Variants in UNC80 observed in about 807,000 individuals in gnomAD.
UNC80 encodes the protein unc-80 subunit of NALCN channel complex.
A neutral mutation model predicts 384.6 loss-of-function variants in UNC80; 164 were observed. That is an observed-to-expected ratio of 0.43 (90% CI 0.38 to 0.49). The LOEUF is 0.49. Among genes scored for constraint, UNC80 ranks in the 20% least tolerant of loss-of-function variants. UNC80 has a pLI of 0.00. For synonymous variants in UNC80, 1,486 were observed against 1,527.8 expected, an observed-to-expected ratio of 0.97 and a Z score of 0.64; for missense variants, 3,330 against 4,143.0, an observed-to-expected ratio of 0.80 and a Z score of 5.39.
intron 48 of UNC80, among the ~76,000 whole-genome samples, chr2:209,957,282 A>G (rs760748824): frequency 1.3e-5 from 2 of 152,144 alleles, no homozygotes; most frequent in Non-Finnish European, 2.9e-5. Context: ...TATTATCTAG[A>G]ATGGTGAACT....
At chr2:209,789,659 T>TG in intron 6 of UNC80, 54 bp downstream of exon 6, 2 of 1,304,348 alleles carry the variant, frequency 1.5e-6, no homozygotes, top group South Asian at 2.4e-5. Context: ...TTGGACATAG[T>TG]GTAGTGTGAA....
intron 36 of UNC80, among the ~76,000 whole-genome samples, chr2:209,928,989 C>T (rs1305053328): frequency 6.6e-6 from 1 of 152,142 alleles, no homozygotes; most frequent in Admixed American, 6.5e-5. Context: ...CAATATCAAC[C>T]TGAGAAAAAC....
At position 209,885,577 on chromosome 2, in the gene UNC80, C is replaced by A. The variant is rs180978083; in HGVS notation, c.4111-2518C>A. On this transcript the variant is annotated intron_variant, in intron 25 of 64. Coordinates refer to ENST00000673920, the MANE Select transcript of UNC80 (RefSeq NM_001371986.1). ...GGTAGATTAGGTTATTTTTTTTTCT[C>A]AAAGGGATTAATTTCAGGGAAGCAC... Among the ~76,000 whole-genome samples the A allele has an allele frequency of 3.4e-3, 512 of 151,704 alleles. 4 individuals are homozygous for A. Among genetic ancestry groups the A allele is most frequent in the African/African-American group, 0.012 (492 of 41,384 alleles).
At position 209,818,903 on chromosome 2, in the gene UNC80, TGTG is replaced by T. The variant is rs552037828; in HGVS notation, c.1694-87_1694-85del. On this transcript the variant is annotated intron_variant, in intron 11 of 64. Coordinates refer to ENST00000673920, the MANE Select transcript of UNC80 (RefSeq NM_001371986.1). ...TATTTTCAAAAACTACAGCTGTTAT[TGTG>T]GTCATGATTGAAGTAATAGTATAAC... 2.1e-4 allele frequency: 287 copies of T among 1,388,304 alleles called. No individual in the cohort carries two copies. The Admixed American group carries it at 6.7e-3, about 32-fold the overall frequency. 86.0% of individuals were successfully genotyped at this position (1,388,304 alleles called of 1,614,324 possible). A position where few individuals can be genotyped will look rare whatever the true frequency, so the allele number is the denominator to read the frequency against.
chr2:209,993,046 A>G lies in UNC80; in HGVS notation c.9397-269A>G, dbSNP rs1484024510. Among the ~76,000 whole-genome samples the G allele has an allele frequency of 3.3e-5, 5 of 152,260 alleles. No homozygotes were observed. In the South Asian group the frequency reaches 1.0e-3, roughly 32 times the overall value. Reference sequence around the variant, plus strand: ...AGTAAGCAATAGTTATTCACTTTGCATCCTAAAATTACTGAAATTCTCAAG... The same window carrying G: ...AGTAAGCAATAGTTATTCACTTTGCGTCCTAAAATTACTGAAATTCTCAAG... On this transcript the variant is annotated intron_variant, in intron 62 of 64. Transcript: ENST00000673920.
chr2:209,984,020 T>A (rs550144514), intron 60 of UNC80, among the ~76,000 whole-genome samples: 2 of 152,248 alleles, frequency 1.3e-5, no homozygotes, highest in South Asian at 4.1e-4. Context: ...TTCTAAATGG[T>A]TTAGTTCTCT....
chr2:209,825,272 G>A (rs2080431068), intron 13 of UNC80, among the ~76,000 whole-genome samples: 6 of 152,054 alleles, frequency 3.9e-5, no homozygotes, highest in African/African-American at 1.4e-4. Flanking sequence ...GATTAAATTG[G>A]GCAAAAGATA....
chr2:209,817,689 C>A, intron 10 of UNC80, 123 bp from the exon 11 acceptor site: 1 of 1,220,466 alleles, frequency 8.2e-7, no homozygotes, highest in Non-Finnish European at 1.1e-6. Flanking sequence ...CTTTTTTTGT[C>A]TGTGTTTCAC....
intron 40 of UNC80, 74 bp from the exon 41 acceptor site, chr2:209,936,770 A>G (rs2091276555): frequency 2.9e-6 from 3 of 1,017,432 alleles, no homozygotes; most frequent in Non-Finnish European, 3.0e-6. Flanking sequence ...CAAAATTTGT[A>G]TCTGTCACCT....
At chr2:209,938,676 G>GTCTCTCTCTCTCTCTCTC (rs10555565) in intron 42 of UNC80, among the ~76,000 whole-genome samples, 1 of 137,386 alleles carries the variant, frequency 7.3e-6, no homozygotes, top group Non-Finnish European at 1.6e-5. Flanking sequence ...CCTAGTCTCT[G>GTCTCTCTCTCTCTCTCTC]TCTCTCTCTC....
chr2:209,797,549 A>G (rs1391543358), intron 7 of UNC80, among the ~76,000 whole-genome samples: 4 of 152,184 alleles, frequency 2.6e-5, no homozygotes, highest in Non-Finnish European at 5.9e-5. Context: ...TATATGTACC[A>G]CATTTTCTTT....
At position 209,849,441 on chromosome 2, in the gene UNC80, A is replaced by G. The variant is rs2082373162; in HGVS notation, c.3455-10A>G. 6.4e-7 allele frequency: 1 copy of G among 1,550,620 alleles called. No homozygotes were observed. The highest frequency in any genetic ancestry group is 1.2e-5 in the South Asian group (1 of 84,016). ...TCTTTCATTCCTCCACCATGGCACC[A>G]CCTTTACAGGTTGCCACAGTTTTGA... On this transcript the variant is annotated splice_polypyrimidine_tract_variant and intron_variant, in intron 21 of 64. Transcript: ENST00000673920.
At position 209,973,073 on chromosome 2, in the gene UNC80, G is replaced by C; in HGVS notation, c.8390G>C (p.Trp2797Ser). Residue 2797 changes from tryptophan to serine, a missense_variant, in exon 56 of 65, where the codon TGG (tryptophan) becomes TCG (serine). This residue lies in a region of UNC80 where 1,049 missense variants were observed against 1,488.6 expected (regional missense o/e 0.70). Transcript: ENST00000673920. ...TVGSGSKDSP[W>S]LEQPEVQLLL... ...AAATTCTGCCCCTCAGATAGCCCAT[G>C]GCTGGAGCAGCCTGAGGTGCAGCTG... 1 of 1,551,516 alleles carries C rather than the reference G, an allele frequency of 6.4e-7. No homozygotes were observed. The highest frequency in any genetic ancestry group is 1.2e-5 in the South Asian group (1 of 84,036).
intron 45 of UNC80, among the ~76,000 whole-genome samples, chr2:209,944,110 A>G (rs2091791069): frequency 6.6e-6 from 1 of 152,180 alleles, no homozygotes; most frequent in Non-Finnish European, 1.5e-5. Flanking sequence ...TACCATAAAT[A>G]ATATTTCTTT....
At chr2:209,948,087 G>A (rs1481342264) in intron 47 of UNC80, among the ~76,000 whole-genome samples, 2 of 151,842 alleles carry the variant, frequency 1.3e-5, no homozygotes, top group African/African-American at 2.4e-5. Flanking sequence ...TTCTTCTCTT[G>A]TTATCAGGCA....
At chr2:209,865,491 C>A (rs576126244) in intron 22 of UNC80, among the ~76,000 whole-genome samples, 36 of 151,668 alleles carry the variant, frequency 2.4e-4, no homozygotes, top group African/African-American at 8.2e-4. Flanking sequence ...AGTCCCAGCT[C>A]CTCGGGAGGC....
At chr2:209,838,494 G>A (rs2081501423) in intron 18 of UNC80, among the ~76,000 whole-genome samples, 1 of 152,024 alleles carries the variant, frequency 6.6e-6, no homozygotes, top group Admixed American at 6.6e-5. Flanking sequence ...CCCTACCTAA[G>A]TTTCTTTGAC....
In UNC80 at chr2:209,839,454, T is replaced by G; in HGVS notation, c.3250+24T>G. 6.4e-7 allele frequency: 1 copy of G among 1,551,456 alleles called. No individual in the cohort carries two copies. The highest frequency in any genetic ancestry group is 8.7e-7 in the Non-Finnish European group (1 of 1,146,646). Reference sequence around the variant, plus strand: ...AGGTAAAAGTATGTCTGTATTTGTTTATGGATTATCTTATTACCAACCATG... The same window carrying G: ...AGGTAAAAGTATGTCTGTATTTGTTGATGGATTATCTTATTACCAACCATG... On this transcript the variant is annotated intron_variant, in intron 19 of 64. Coordinates refer to ENST00000673920, the MANE Select transcript of UNC80 (RefSeq NM_001371986.1). The surrounding 1 kb of genome is among the most constrained non-coding windows in gnomAD (Gnocchi z 4.1).
At chr2:209,818,969 A>G in intron 11 of UNC80, 24 bp from the exon 12 acceptor site, 5 of 1,547,648 alleles carry the variant, frequency 3.2e-6, no homozygotes, top group African/African-American at 1.4e-5. Context: ...AGGGAGAACT[A>G]AGACATTGCT....
Sources: allele counts gnomAD v4.1 joint callset (sites outside exome capture counted in the v4.1 genomes callset), GRCh38; gene constraint gnomAD v4.1.1; regional missense constraint gnomAD v4.1.1; non-coding constraint Gnocchi (gnomAD v3.1); transcripts MANE v1.5; gene names NCBI Gene and HGNC (gene_info 2026-07-23, HGNC 2026-07-21).